LRMDA: variants seen among roughly 807,000 people sequenced by gnomAD.
LRMDA encodes leucine-rich melanocyte differentiation-associated protein.
A neutral mutation model predicts 29.8 loss-of-function variants in LRMDA; 18 were observed. That is an observed-to-expected ratio of 0.60 (90% CI 0.42 to 0.90). The LOEUF (loss-of-function observed/expected upper bound fraction) is 0.90, where lower values mean the gene tolerates loss of function less well. Among genes scored for constraint, LRMDA ranks in the 40% least tolerant of loss-of-function variants. LRMDA has a pLI of 0.00. For synonymous variants in LRMDA, 125 were observed against 109.4 expected, an observed-to-expected ratio of 1.14 and a Z score of -0.89; for missense variants, 273 against 273.9, an observed-to-expected ratio of 1.00 and a Z score of 0.02.
At chr10:76,443,553 G>A (rs1842325033) in intron 6 of LRMDA, among the ~76,000 whole-genome samples, 1 of 152,120 alleles carries the variant, frequency 6.6e-6, no homozygotes, top group African/African-American at 2.4e-5. Context: ...AAAAACTAAG[G>A]GGTCTCACCA....
At chr10:76,260,589 T>C (rs1839923369) in intron 5 of LRMDA, among the ~76,000 whole-genome samples, 1 of 152,170 alleles carries the variant, frequency 6.6e-6, no homozygotes, top group Non-Finnish European at 1.5e-5. Context: ...TGTGACTTGA[T>C]GCTTTTCTCT....
intron 2 of LRMDA, among the ~76,000 whole-genome samples, chr10:75,562,935 C>T (rs1359491409): frequency 3.9e-5 from 6 of 152,070 alleles, no homozygotes; most frequent in Non-Finnish European, 8.8e-5. Context: ...GAGGGTAACC[C>T]GACCTTTCTC....
intron 2 of LRMDA, among the ~76,000 whole-genome samples, chr10:75,973,895 A>C (rs1847025657): frequency 6.6e-6 from 1 of 152,128 alleles, no homozygotes; most frequent in African/African-American, 2.4e-5. Flanking sequence ...ATTTAGAGTG[A>C]ATCTCTACAA....
At chr10:75,622,323 C>A (rs1203229658) in intron 2 of LRMDA, among the ~76,000 whole-genome samples, 1 of 149,784 alleles carries the variant, frequency 6.7e-6, no homozygotes, top group Non-Finnish European at 1.5e-5. Flanking sequence ...AAATATGATA[C>A]CCCAAAGATA....
chr10:75,846,411 T>C (rs1844638526), intron 2 of LRMDA, among the ~76,000 whole-genome samples: 1 of 152,150 alleles, frequency 6.6e-6, no homozygotes, highest in Non-Finnish European at 1.5e-5. Flanking sequence ...TCACTGCATT[T>C]GGTAAAATTG....
At chr10:76,162,703 C>T (rs552083090) in intron 5 of LRMDA, among the ~76,000 whole-genome samples, 11 of 152,236 alleles carry the variant, frequency 7.2e-5, no homozygotes, top group South Asian at 6.2e-4. Context: ...AATCCATCAC[C>T]GTGATCCAAT....
intron 2 of LRMDA, among the ~76,000 whole-genome samples, chr10:75,522,568 G>T (rs1407119117): frequency 6.6e-6 from 1 of 152,190 alleles, no homozygotes; most frequent in African/African-American, 2.4e-5. Flanking sequence ...TAAAGAGAAG[G>T]AAATGGAAGC....
chr10:76,372,899 C>T (rs577856462), intron 6 of LRMDA, among the ~76,000 whole-genome samples: 1 of 152,218 alleles, frequency 6.6e-6, no homozygotes, highest in Non-Finnish European at 1.5e-5. Flanking sequence ...CAGCTTACCC[C>T]AAACTGTAGT....
At chr10:75,512,308 G>A (rs1296969833) in intron 2 of LRMDA, among the ~76,000 whole-genome samples, 1 of 151,896 alleles carries the variant, frequency 6.6e-6, no homozygotes, top group Non-Finnish European at 1.5e-5. Flanking sequence ...GGAAATTCCT[G>A]TATATTCACA....
chr10:75,894,752 C>T (rs1186107497), intron 2 of LRMDA, among the ~76,000 whole-genome samples: 1 of 152,030 alleles, frequency 6.6e-6, no homozygotes, highest in Admixed American at 6.6e-5. Flanking sequence ...GACTACACAC[C>T]AGAGACAACC....
intron 6 of LRMDA, among the ~76,000 whole-genome samples, chr10:76,365,571 C>G (rs941010743): frequency 9.9e-5 from 15 of 152,044 alleles, no homozygotes; most frequent in African/African-American, 3.6e-4. Context: ...CTATTTATGT[C>G]CTTAGCCCAC....
At chr10:76,218,643 T>A (rs1851771682) in intron 5 of LRMDA, among the ~76,000 whole-genome samples, 1 of 152,066 alleles carries the variant, frequency 6.6e-6, no homozygotes, top group South Asian at 2.1e-4. Context: ...GACAATGAGA[T>A]CTCTTCTTTG....
intron 2 of LRMDA, among the ~76,000 whole-genome samples, chr10:75,585,858 C>A (rs1840649339): frequency 6.6e-6 from 1 of 152,200 alleles, no homozygotes; most frequent in Admixed American, 6.5e-5. Context: ...CCCTGGCAAC[C>A]ACTATTCAAC....
intron 2 of LRMDA, among the ~76,000 whole-genome samples, chr10:75,669,304 C>G (rs1841863283): frequency 6.6e-6 from 1 of 152,030 alleles, no homozygotes; most frequent in Non-Finnish European, 1.5e-5. Context: ...CATTTTTTCC[C>G]TATGAGGTTC....
At chr10:76,427,955 C>T (rs1441827746) in intron 6 of LRMDA, among the ~76,000 whole-genome samples, 1 of 152,114 alleles carries the variant, frequency 6.6e-6, no homozygotes, top group Non-Finnish European at 1.5e-5. Context: ...GGATGAAGCC[C>T]AGTTGATCAT....
chr10:76,207,109 T>C (rs1166148821), intron 5 of LRMDA, among the ~76,000 whole-genome samples: 1 of 152,190 alleles, frequency 6.6e-6, no homozygotes, highest in Non-Finnish European at 1.5e-5. Context: ...AATTGGCACT[T>C]TGAAATGCTA....
At chr10:75,848,258 G>A (rs1338982462) in intron 2 of LRMDA, among the ~76,000 whole-genome samples, 1 of 152,198 alleles carries the variant, frequency 6.6e-6, no homozygotes, top group Non-Finnish European at 1.5e-5. Context: ...GCTACAGCAT[G>A]AATGAACCTC....
intron 5 of LRMDA, among the ~76,000 whole-genome samples, chr10:76,264,543 G>A (rs1005214691): frequency 2.0e-5 from 3 of 150,570 alleles, no homozygotes; most frequent in African/African-American, 4.9e-5. Flanking sequence ...CGAGTATTTC[G>A]GTCAGCTTGG....
chr10:75,839,876 G>A (rs149154648), intron 2 of LRMDA, among the ~76,000 whole-genome samples: 38 of 151,824 alleles, frequency 2.5e-4, no homozygotes, highest in African/African-American at 8.9e-4. Flanking sequence ...GCCCGGCTAA[G>A]TTTTTGTATT....
Sources: allele counts gnomAD v4.1 joint callset (sites outside exome capture counted in the v4.1 genomes callset), GRCh38; gene constraint gnomAD v4.1.1; transcripts MANE v1.5; gene names NCBI Gene and HGNC (gene_info 2026-07-23, HGNC 2026-07-21).